Variants in PAX8 observed in about 807,000 individuals in gnomAD.
PAX8 encodes paired box 8.
In PAX8, 15 loss-of-function variants were observed where a neutral mutation model predicts 52.4. That is an observed-to-expected ratio of 0.29 (90% CI 0.19 to 0.44). The LOEUF (loss-of-function observed/expected upper bound fraction) is 0.44. Among genes scored for constraint, PAX8 ranks in the 20% least tolerant of loss-of-function variants. The probability of loss-of-function intolerance (pLI) is 1.00; values close to 1 mark genes in which losing one functional copy is unlikely to be tolerated. For synonymous variants in PAX8, 284 were observed against 249.7 expected (o/e 1.14, Z -1.29); for missense variants, 554 against 602.5 (o/e 0.92, Z 0.84).
intron 2 of PAX8, among the ~76,000 whole-genome samples, chr2:113,264,048 G>T (rs567427452): frequency 1.2e-4 from 18 of 152,234 alleles, no homozygotes; most frequent in Non-Finnish European, 2.2e-4. Flanking sequence ...ATTGTTTGGA[G>T]CTGTATTCCC....
At chr2:113,242,653 C>T (rs1219464400) in intron 5 of PAX8, 37 bp downstream of exon 5, 25 of 1,404,812 alleles carry the variant, frequency 1.8e-5, no homozygotes, top group African/African-American at 2.8e-5. Context: ...GAGGTGTACA[C>T]GAGCATGTGT....
chr2:113,251,258 T>C (rs1259575453), intron 2 of PAX8, among the ~76,000 whole-genome samples: 8 of 151,468 alleles, frequency 5.3e-5, no homozygotes, highest in Non-Finnish European at 8.8e-5. Context: ...TGCACTGGGG[T>C]TGGGGGGACG....
chr2:113,235,678 G>A (rs937135944), intron 8 of PAX8, 96 bp from the exon 9 acceptor site: 15 of 996,116 alleles, frequency 1.5e-5, no homozygotes, highest in African/African-American at 3.2e-5. Flanking sequence ...GGGTGCGGGC[G>A]GGGCGCGGGG....
In PAX8 at chr2:113,227,609, C is replaced by G. The variant is rs4849180; in HGVS notation, c.1088-353G>C. Reference sequence around the variant, plus strand: ...TTCTGTTTTCTGTTACCCCCAACAGCAGCCAGCAGAGCAGTGGGTATAGCT... The same window carrying G: ...TTCTGTTTTCTGTTACCCCCAACAGGAGCCAGCAGAGCAGTGGGTATAGCT... On this transcript the variant is annotated intron_variant, in intron 9 of 11. Coordinates refer to ENST00000429538, the MANE Select transcript of PAX8 (RefSeq NM_003466.4). Among the ~76,000 whole-genome samples the G allele has an allele frequency of 0.18, 26,880 of 152,220 alleles. 2,808 individuals carry two copies. The highest frequency in any genetic ancestry group is 0.24 in the Non-Finnish European group (16,343 of 68,006).
intron 9 of PAX8, among the ~76,000 whole-genome samples, chr2:113,233,705 G>T (rs991654042): frequency 6.6e-6 from 1 of 151,680 alleles, no homozygotes; most frequent in South Asian, 2.1e-4. Context: ...AAAAAAAAGG[G>T]TCCAGGGACT....
chr2:113,221,288 G>A (rs543421473), intron 10 of PAX8, among the ~76,000 whole-genome samples: 2 of 152,158 alleles, frequency 1.3e-5, no homozygotes, highest in Non-Finnish European at 1.5e-5. Flanking sequence ...CCAACCCTGA[G>A]ACTCAATGAA....
intron 9 of PAX8, among the ~76,000 whole-genome samples, chr2:113,232,543 G>A (rs966669857): frequency 7.2e-5 from 11 of 152,176 alleles, no homozygotes; most frequent in Non-Finnish European, 1.5e-4. Context: ...ATGACTACCT[G>A]GTGTCTGCTG....
intron 2 of PAX8, among the ~76,000 whole-genome samples, chr2:113,252,877 C>G (rs940324319): frequency 5.3e-5 from 8 of 152,206 alleles, no homozygotes; most frequent in Non-Finnish European, 8.8e-5. Context: ...ACCCCCTGAC[C>G]TCAAAATACA....
chr2:113,241,683 G>A lies in PAX8; in HGVS notation c.645C>T (p.Ser215=), dbSNP rs747144458. 3.1e-6 allele frequency: 5 copies of A among 1,614,050 alleles called. No homozygotes were observed. In the African/African-American group the frequency reaches 6.7e-5, roughly 22 times the overall value. The change falls in exon 7 of 12, where the codon AGC becomes AGT. Residue 215 remains serine (S), a synonymous_variant. Coordinates refer to ENST00000429538, the MANE Select transcript of PAX8 (RefSeq NM_003466.4). The part of the protein sequence containing the change: ...SCRLSIDSQS[S]SSGPRKHLRT... ...GAAGGTGCTTTCGGGGTCCGCTGCT[G>A]CTGCTCTGTGAGTCAATGCTTAGTC...
chr2:113,237,755 A>G (rs1454346292), intron 7 of PAX8: 2 of 152,164 alleles, frequency 1.3e-5, no homozygotes, highest in African/African-American at 4.8e-5. Flanking sequence ...GAACACACCC[A>G]TTCCCCACAT....
intron 2 of PAX8, chr2:113,272,792 C>T (rs548995327): frequency 5.9e-5 from 9 of 152,272 alleles, no homozygotes; most frequent in Non-Finnish European, 7.4e-5. Context: ...GAATCCCTCC[C>T]GCAAAGAACT....
intron 4 of PAX8, among the ~76,000 whole-genome samples, chr2:113,243,540 C>T (rs1249946960): frequency 6.6e-6 from 1 of 152,108 alleles, no homozygotes; most frequent in African/African-American, 2.4e-5. Flanking sequence ...TACAGGCACT[C>T]GCCACCACAC....
intron 8 of PAX8, 72 bp downstream of exon 8, chr2:113,236,529 T>C: frequency 6.6e-7 from 1 of 1,513,852 alleles, no homozygotes; most frequent in East Asian, 2.5e-5. Context: ...GCCCCACACC[T>C]TCCGCCTGAC....
At chr2:113,223,280 C>A (rs923153540) in intron 10 of PAX8, among the ~76,000 whole-genome samples, 12 of 152,134 alleles carry the variant, frequency 7.9e-5, no homozygotes, top group African/African-American at 2.9e-4. Flanking sequence ...CTTGTTTCCT[C>A]TATTTTCTCA....
Position 113,235,428 on chromosome 2 carries a change from C to T in PAX8, c.1053G>A (p.Val351=). 1.2e-6 allele frequency: 2 copies of T among 1,603,108 alleles called. No homozygotes were observed. The highest frequency in any genetic ancestry group is 1.7e-6 in the Non-Finnish European group (2 of 1,174,840). ...PFNAFPHAAS[V]YGQFTGQALL... ...GGGCCTGGCCCGTGAACTGCCCGTACACGGAGGCAGCATGGGGAAAGGCAT... is the reference window on the plus strand; with the variant it reads ...GGGCCTGGCCCGTGAACTGCCCGTATACGGAGGCAGCATGGGGAAAGGCAT... Residue 351 remains valine, a synonymous_variant, in exon 9 of 12, where the codon GTG becomes GTA. Coordinates refer to ENST00000429538, the MANE Select transcript of PAX8 (RefSeq NM_003466.4).
In PAX8 at chr2:113,217,087, C is replaced by G; in HGVS notation, c.*1446G>C. 1 of 230,100 alleles carries G rather than the reference C, an allele frequency of 4.3e-6. No homozygotes were observed. 14.3% of individuals were successfully genotyped at this position (230,100 alleles called of 1,614,324 possible). On this transcript the variant is annotated 3_prime_UTR_variant, in exon 12 of 12. Coordinates refer to ENST00000429538, the MANE Select transcript of PAX8 (RefSeq NM_003466.4). ...TGATTCTCTGGCTTCCTGTTAATAA[C>G]AACAGCAACTCCTTGTGGGGAGTCT... is the stretch of plus-strand genomic sequence containing the variant.
chr2:113,242,964 A>G (rs1690989176), intron 4 of PAX8, among the ~76,000 whole-genome samples, 186 bp from the exon 5 acceptor site: 3 of 152,130 alleles, frequency 2.0e-5, no homozygotes. Context: ...TCCGCATTTC[A>G]TGATTGGTAC....
chr2:113,218,591 CTG>C lies in PAX8; in HGVS notation c.1293_1294del (p.Tyr431Ter). 1 of 1,558,292 alleles carries C rather than the reference CTG, an allele frequency of 6.4e-7. No individual in the cohort carries two copies. The highest frequency in any genetic ancestry group is 8.7e-7 in the Non-Finnish European group (1 of 1,150,502). On this transcript the variant is annotated stop_gained and frameshift_variant, in exon 12 of 12. Transcript: ENST00000429538. LOFTEE classifies it high-confidence loss of function. Reference sequence around the variant, plus strand: ...CGGTGCACTCGGCCTTGATGTGGAACTGTAATAATATGGGGAACCTGGACACA... The same window carrying C: ...CGGTGCACTCGGCCTTGATGTGGAACTAATAATATGGGGAACCTGGACACA...
intron 2 of PAX8, among the ~76,000 whole-genome samples, chr2:113,253,576 G>A (rs896447703): frequency 6.6e-6 from 1 of 152,052 alleles, no homozygotes; most frequent in African/African-American, 2.4e-5. Flanking sequence ...CCAGCCTTGG[G>A]GCACTTGCAC....
Sources: gnomAD v4.1 joint callset for allele counts (sites outside exome capture counted in the v4.1 genomes callset) on GRCh38, gnomAD v4.1.1 for gene constraint, MANE v1.5 for transcripts, NCBI Gene and HGNC (gene_info 2026-07-23, HGNC 2026-07-21) for gene names.